The following FLG variants were observed in gnomAD, a reference collection of about 807,000 sequenced individuals.
The protein encoded by FLG is epidermal filaggrin.
A neutral mutation model predicts 3.8 loss-of-function variants in FLG; 6 were observed. The observed-to-expected ratio is 1.60, with a 90% CI of 0.87 to 3.15. The LOEUF (loss-of-function observed/expected upper bound fraction) is 3.15, where lower values mean the gene tolerates loss of function less well. Among genes scored for constraint, FLG ranks in the 30% most tolerant of loss-of-function variants. The pLI is 0.00. For missense variants in FLG, 7,595 were observed against 5,050.9 expected, an observed-to-expected ratio of 1.50 and a Z score of -15.27; for synonymous variants, 2,551 against 1,931.6, an observed-to-expected ratio of 1.32 and a Z score of -8.41.
rs547199803 is a variant in FLG at position 152,303,976 on chromosome 1, G to A, written c.10910C>T (p.Ser3637Phe). ...GSHHQQSADS[S>F]RHSGIGHGQA... ...TCCGTGCCCAATGCCTGAGTGTCTG[G>A]AGCTGTCTGCTGACTGCTGGTGGTG... Residue 3637 changes from serine (S) to phenylalanine (F), a missense_variant, in exon 3 of 3, where the codon TCC (serine) becomes TTC (phenylalanine). Coordinates refer to ENST00000368799, the MANE Select transcript of FLG (RefSeq NM_002016.2). 368 of 1,613,976 alleles carry A rather than the reference G, an allele frequency of 2.3e-4. 5 individuals are homozygous for A. The South Asian group carries it at 3.9e-3, about 17-fold the overall frequency.
chr1:152,319,219 AAG>A lies in FLG; in HGVS notation c.-21-3744_-21-3743del, dbSNP rs367610065. Among the ~76,000 whole-genome samples the A allele has an allele frequency of 1.8e-3, 279 of 151,114 alleles. 1 individual carries two copies. The highest frequency in any genetic ancestry group is 0.014 in the Middle Eastern group (4 of 290). ...ATGAGACTAGATGATATTTTTTGGT[AAG>A]AGAGTGATCTAATATGGTTTGATTT... On this transcript the variant is annotated intron_variant, in intron 1 of 2. Coordinates refer to ENST00000368799, the MANE Select transcript of FLG (RefSeq NM_002016.2).
Position 152,309,916 on chromosome 1 carries a change from T to G in FLG, c.4970A>C (p.His1657Pro), listed in dbSNP as rs1197099226. Residue 1657 changes from histidine to proline, a missense_variant, in exon 3 of 3, where the codon CAT (histidine) becomes CCT (proline). Coordinates refer to ENST00000368799, the MANE Select transcript of FLG (RefSeq NM_002016.2). ...AESSRQSGTR[H>P]AETSSGGQAA... is the part of the protein sequence containing the mutation. The stretch of plus-strand genomic sequence containing the variant: ...CTGTCCACCAGAGGAAGTCTCTGCA[T>G]GACGAGTGCCTGATTGTCTGGAGCT... 2 of 1,614,034 alleles carry G rather than the reference T, an allele frequency of 1.2e-6. No homozygotes were observed. The highest frequency in any genetic ancestry group is 1.7e-6 in the Non-Finnish European group (2 of 1,180,044).
At position 152,304,917 on chromosome 1, in the gene FLG, A is replaced by C; in HGVS notation, c.9969T>G (p.Ala3323=). ...GTCTACTGTCTCTGACTGCAGATGA[A>C]GCTTGTCCACGCGGAATGCCTGAGT... The part of the protein sequence containing the change: ...SRHSGIPRGQ[A]SSAVRDSRHW... The change falls in exon 3 of 3, where the codon GCT becomes GCG. Residue 3323 remains alanine, a synonymous_variant. Transcript: ENST00000368799. 1.2e-6 allele frequency: 2 copies of C among 1,613,254 alleles called. No homozygotes were observed. The highest frequency in any genetic ancestry group is 1.7e-6 in the Non-Finnish European group (2 of 1,179,858).
rs1033493107 is a variant in FLG, at chr1:152,302,772, T to C, written c.12114A>G (p.Leu4038=). ...YATYINKDPG[L]CGHSSDISKQ... ...TCGATATATCACTAGAATGGCCACA[T>C]AAACCTGGGTCCTTATTAATATACG... The change falls in exon 3 of 3, where the codon TTA becomes TTG. Residue 4038 remains leucine, a synonymous_variant. Transcript: ENST00000368799. The C allele has an allele frequency of 1.2e-6, 2 of 1,614,094 alleles. No individual in the cohort carries two copies. The highest frequency in any genetic ancestry group is 1.3e-5 in the African/African-American group (1 of 74,950).
At position 152,313,745 on chromosome 1, in the gene FLG, C is replaced by T; in HGVS notation, c.1141G>A (p.Gly381Arg). The T allele has an allele frequency of 6.2e-6, 10 of 1,614,060 alleles. No individual in the cohort carries two copies. Among genetic ancestry groups the T allele is most frequent in the Non-Finnish European group, 8.5e-6 (10 of 1,179,970 alleles). ...SSHEQARSSP[G>R]ERHGSGHQQS... ...TGGTGGCCGGATCCATGTCTTTCTC[C>T]TGGACTTGATCTTGCCTGTTCATGG... Residue 381 changes from glycine to arginine, a missense_variant, in exon 3 of 3, where the codon GGA (glycine) becomes AGA (arginine). By Grantham distance (125) the Gly-to-Arg change is moderately radical. Transcript: ENST00000368799.
intron 1 of FLG, among the ~76,000 whole-genome samples, chr1:152,317,819 C>G (rs1174832067): frequency 6.6e-6 from 1 of 152,012 alleles, no homozygotes; most frequent in African/African-American, 2.4e-5. Flanking sequence ...ATGTTCAAAA[C>G]AGAAGTCTTG....
In FLG at chr1:152,307,641, G is replaced by A. The variant is rs772776074; in HGVS notation, c.7245C>T (p.Leu2415=). The A allele has an allele frequency of 1.7e-5, 27 of 1,613,490 alleles. No homozygotes were observed. The highest frequency in any genetic ancestry group is 2.1e-5 in the Non-Finnish European group (25 of 1,179,896). Residue 2415 remains leucine (L), a synonymous_variant, in exon 3 of 3, where the codon CTC becomes CTT. Transcript: ENST00000368799. The part of the protein sequence containing the change: ...AGRSGRSGSF[L]YQVSTHEQSE... ...ACTGTTCATGAGTGCTCACCTGGTAGAGGAAAGACCCTGAACGTCCAGACC... is the reference window on the plus strand; with the variant it reads ...ACTGTTCATGAGTGCTCACCTGGTAAAGGAAAGACCCTGAACGTCCAGACC...
rs1652335225 is a variant in FLG at position 152,310,595 on chromosome 1, A to T, written c.4291T>A (p.Ser1431Thr). Residue 1431 changes from serine to threonine, a missense_variant, in exon 3 of 3, where the codon TCA (serine) becomes ACA (threonine). By Grantham distance (58) the Ser-to-Thr change is moderately conservative (BLOSUM62 1). Coordinates refer to ENST00000368799, the MANE Select transcript of FLG (RefSeq NM_002016.2). ...QSHKESARGQ[S>T]GESSGRSRSF... ...CTTGAACGTCCAGAGCTTTCCCCTGACTGGCCACGTGCGGACTCTTTGTGG... is the reference window on the plus strand; with the variant it reads ...CTTGAACGTCCAGAGCTTTCCCCTGTCTGGCCACGTGCGGACTCTTTGTGG... 2 of 1,613,764 alleles carry T rather than the reference A, an allele frequency of 1.2e-6. No individual in the cohort carries two copies. The highest frequency in any genetic ancestry group is 1.7e-6 in the Non-Finnish European group (2 of 1,179,970).
Position 152,310,629 on chromosome 1 carries a change from A to C in FLG, c.4257T>G (p.His1419Gln). 1.2e-6 allele frequency: 2 copies of C among 1,613,828 alleles called. No homozygotes were observed. ...GTGCGGACTCTTTGTGGCTCTGCTG[A>C]TGGGGCCCAGCTTGTCCGTGGGCTG... is the stretch of plus-strand genomic sequence containing the variant. ...SVSAHGQAGP[H>Q]QQSHKESARG... The change falls in exon 3 of 3, where the codon CAT becomes CAG. Residue 1419 changes from histidine to glutamine, a missense_variant. Coordinates refer to ENST00000368799, the MANE Select transcript of FLG (RefSeq NM_002016.2).
In FLG at chr1:152,309,858, A is replaced by G. The variant is rs1322167399; in HGVS notation, c.5028T>C (p.Ser1676=). The stretch of plus-strand genomic sequence containing the variant: ...GGCGGGATCCATGTCTTTCTCCTGG[A>G]CTTGACCTTGCCTGTTCCTGGGATG... ...AASSQEQARS[S]PGERHGSRHQ... is the part of the protein sequence containing the mutation. Residue 1676 remains serine (S), a synonymous_variant, in exon 3 of 3, where the codon AGT becomes AGC. Coordinates refer to ENST00000368799, the MANE Select transcript of FLG (RefSeq NM_002016.2). 1.2e-6 allele frequency: 2 copies of G among 1,613,644 alleles called. No homozygotes were observed. The highest frequency in any genetic ancestry group is 1.7e-5 in the Admixed American group (1 of 59,986).
In FLG at chr1:152,312,836, G is replaced by A. The variant is rs748913143; in HGVS notation, c.2050C>T (p.His684Tyr). 7 of 1,614,086 alleles carry A rather than the reference G, an allele frequency of 4.3e-6. No homozygotes were observed. Among genetic ancestry groups the A allele is most frequent in the Middle Eastern group, 1.6e-4 (1 of 6,062 alleles). The change falls in exon 3 of 3, where the codon CAC (histidine) becomes TAC (tyrosine). Residue 684 changes from histidine to tyrosine, a missense_variant. Physicochemically the swap from His to Tyr is moderately conservative, Grantham distance 83. Transcript: ENST00000368799. ...ADSSRKSGTR[H>Y]TQNSSSGQAA... ...TGTCCACTAGAGGAATTCTGTGTGT[G>A]ACGAGTGCCTGATTTTCTGGAGCTG...
Position 152,313,766 on chromosome 1 carries a change from C to G in FLG, c.1120G>C (p.Glu374Gln). 3 of 1,614,146 alleles carry G rather than the reference C, an allele frequency of 1.9e-6. No individual in the cohort carries two copies. The highest frequency in any genetic ancestry group is 2.5e-6 in the Non-Finnish European group (3 of 1,180,022). The change falls in exon 3 of 3, where the codon GAA becomes CAA. Residue 374 changes from glutamate (E) to glutamine (Q), a missense_variant. Physicochemically the swap from Glu to Gln is conservative, Grantham distance 29. Transcript: ENST00000368799. ...TCTCCTGGACTTGATCTTGCCTGTTCATGGGATGATGCAGTCTGTCCACGA... is the reference window on the plus strand; with the variant it reads ...TCTCCTGGACTTGATCTTGCCTGTTGATGGGATGATGCAGTCTGTCCACGA... ...SSRGQTASSH[E>Q]QARSSPGERH...
At position 152,309,849 on chromosome 1, in the gene FLG, T is replaced by G; in HGVS notation, c.5037A>C (p.Glu1679Asp). 1 of 1,614,068 alleles carries G rather than the reference T, an allele frequency of 6.2e-7. No homozygotes were observed. Among genetic ancestry groups the G allele is most frequent in the Non-Finnish European group, 8.5e-7 (1 of 1,179,984 alleles). ...ACTGCTGGTGGCGGGATCCATGTCTTTCTCCTGGACTTGACCTTGCCTGTT... is the reference window on the plus strand; with the variant it reads ...ACTGCTGGTGGCGGGATCCATGTCTGTCTCCTGGACTTGACCTTGCCTGTT... ...SQEQARSSPGERHGSRHQQSA... is the reference protein window; with the variant it reads ...SQEQARSSPGDRHGSRHQQSA... The change falls in exon 3 of 3, where the codon GAA becomes GAC. Residue 1679 changes from glutamate to aspartate, a missense_variant. Physicochemically the swap from Glu to Asp is conservative, Grantham distance 45. Coordinates refer to ENST00000368799, the MANE Select transcript of FLG (RefSeq NM_002016.2).
In FLG at chr1:152,310,930, T is replaced by A. The variant is rs1191555113; in HGVS notation, c.3956A>T (p.His1319Leu). The stretch of plus-strand genomic sequence containing the variant: ...TCTGGAGCTGTCTGCAGAGTGCCCG[T>A]GACTGGCTCTGTCTTCTTGATGGAA... ...PGFHQEDRAS[H>L]GHSADSSRQS... Residue 1319 changes from histidine to leucine, a missense_variant, in exon 3 of 3, where the codon CAC becomes CTC. Coordinates refer to ENST00000368799, the MANE Select transcript of FLG (RefSeq NM_002016.2). 1 of 1,614,080 alleles carries A rather than the reference T, an allele frequency of 6.2e-7. No homozygotes were observed. Among genetic ancestry groups the A allele is most frequent in the Admixed American group, 1.7e-5 (1 of 60,016 alleles).
chr1:152,319,505 A>G (rs1652888008), intron 1 of FLG, among the ~76,000 whole-genome samples: 1 of 148,090 alleles, frequency 6.8e-6, no homozygotes, highest in South Asian at 2.1e-4. Context: ...TCCAAGCAGG[A>G]GATATAAAAG....
At chr1:152,318,602 T>C (rs1242827800) in intron 1 of FLG, among the ~76,000 whole-genome samples, 1 of 151,874 alleles carries the variant, frequency 6.6e-6, no homozygotes, top group South Asian at 2.1e-4. Flanking sequence ...TGAGGCAATG[T>C]CATTGGATCC....
intron 1 of FLG, among the ~76,000 whole-genome samples, chr1:152,320,576 G>A (rs569752696): frequency 1.3e-5 from 2 of 151,080 alleles, no homozygotes; most frequent in African/African-American, 2.4e-5. Context: ...AATAAAAATC[G>A]ACAGAAGTAT....
rs1652229127 is a variant in FLG, at chr1:152,309,393, T to C, written c.5493A>G (p.Gln1831=). 6.2e-7 allele frequency: 1 copy of C among 1,613,578 alleles called. No homozygotes were observed. Among genetic ancestry groups the C allele is most frequent in the African/African-American group, 1.3e-5 (1 of 74,778 alleles). ...RGGRQGSHYE[Q]SVDSSGHSGS... ...CTGAGTGTCCAGAACTATCTACCGA[T>C]TGCTCATAGTGGGATCCCTGCCTTC... Residue 1831 remains glutamine (Q), a synonymous_variant, in exon 3 of 3, where the codon CAA becomes CAG. Transcript: ENST00000368799.
In FLG at chr1:152,309,558, C is replaced by A; in HGVS notation, c.5328G>T (p.Glu1776Asp). ...LYQVSTHEQS[E>D]SAHGRTGPST... ...TGGGCCCTGTGCGTCCATGGGCGGA[C>A]TCAGACTGTTCATGAGTGCTCACCT... is the stretch of plus-strand genomic sequence containing the variant. Residue 1776 changes from glutamate (E) to aspartate (D), a missense_variant, in exon 3 of 3, where the codon GAG becomes GAT. Glu to Asp is a conservative substitution (Grantham distance 45). Coordinates refer to ENST00000368799, the MANE Select transcript of FLG (RefSeq NM_002016.2). 6.2e-7 allele frequency: 1 copy of A among 1,613,856 alleles called. No individual in the cohort carries two copies. The highest frequency in any genetic ancestry group is 8.5e-7 in the Non-Finnish European group (1 of 1,179,958).
Sources: allele counts gnomAD v4.1 joint callset (sites outside exome capture counted in the v4.1 genomes callset), GRCh38; gene constraint gnomAD v4.1.1; transcripts MANE v1.5; gene names NCBI Gene and HGNC (gene_info 2026-07-23, HGNC 2026-07-21).